The following CAST variants were observed in gnomAD, a reference collection of about 807,000 sequenced individuals.
The protein encoded by CAST is MIR583 host.
A neutral mutation model predicts 119.6 loss-of-function variants in CAST; 76 were observed. The ratio of observed to expected loss-of-function variants is 0.64; its 90% confidence interval spans 0.53 to 0.77. The LOEUF is 0.77. CAST is among the 30% of genes least tolerant of loss of function. CAST has a pLI of 0.00. For synonymous variants in CAST, 319 were observed against 331.6 expected, an observed-to-expected ratio of 0.96 and a Z score of 0.41; for missense variants, 953 against 946.5, an observed-to-expected ratio of 1.01 and a Z score of -0.09.
At chr5:96,131,411 GTTA>G in the CAST span, among the ~76,000 whole-genome samples, 2 of 148,742 alleles carry the variant, frequency 1.3e-5, no homozygotes, top group African/African-American at 2.6e-5. Flanking sequence ...TTAATATCTT[GTTA>G]TTATACACAC....
At chr5:96,095,235 C>A in the CAST span, among the ~76,000 whole-genome samples, 1 of 151,914 alleles carries the variant, frequency 6.6e-6, no homozygotes, top group East Asian at 1.9e-4. Flanking sequence ...TGTTTTTTCT[C>A]CCCCAATTAA....
chr5:96,289,843 GC>G, the CAST span, among the ~76,000 whole-genome samples: 1 of 152,070 alleles, frequency 6.6e-6, no homozygotes, highest in Non-Finnish European at 1.5e-5. Flanking sequence ...TGCCTCAGTA[GC>G]GTTTGTCTTA....
At chr5:96,344,405 T>C in the CAST span, among the ~76,000 whole-genome samples, 4 of 152,148 alleles carry the variant, frequency 2.6e-5, no homozygotes, top group African/African-American at 9.7e-5. Context: ...TAAGTGGTAA[T>C]CTCATTACCT....
chr5:96,485,781 C>G, the CAST span, among the ~76,000 whole-genome samples: 2 of 152,068 alleles, frequency 1.3e-5, no homozygotes, highest in African/African-American at 4.8e-5. Context: ...TTCAGCTTCA[C>G]CCCAGTCAAA....
At chr5:96,678,813 C>T (rs531243042) in intron 2 of CAST, among the ~76,000 whole-genome samples, 1 of 152,196 alleles carries the variant, frequency 6.6e-6, no homozygotes, top group South Asian at 2.1e-4. Flanking sequence ...CGCCACTGCA[C>T]TCCAGCCTGG....
At chr5:96,475,195 C>T in the CAST span, among the ~76,000 whole-genome samples, 1 of 152,184 alleles carries the variant, frequency 6.6e-6, no homozygotes, top group African/African-American at 2.4e-5. Context: ...CCCCTCATCC[C>T]AGTCTGGGGA....
At chr5:96,339,258 G>A in the CAST span, among the ~76,000 whole-genome samples, 1 of 152,014 alleles carries the variant, frequency 6.6e-6, no homozygotes, top group Non-Finnish European at 1.5e-5. Context: ...GATAACATAC[G>A]ACCCCAAGAA....
chr5:96,132,914 T>C, the CAST span, among the ~76,000 whole-genome samples: 937 of 152,222 alleles, frequency 6.2e-3, 9 homozygotes, highest in Non-Finnish European at 9.4e-3. Context: ...TAAGACAAGA[T>C]GCTAAAAGGA....
At chr5:96,679,881 C>T (rs78265520) in intron 2 of CAST, among the ~76,000 whole-genome samples, 1 of 151,890 alleles carries the variant, frequency 6.6e-6, no homozygotes, top group Non-Finnish European at 1.5e-5. Context: ...CAATATTACC[C>T]TGAGTCTTAC....
chr5:96,355,534 G>GT, the CAST span, among the ~76,000 whole-genome samples: 1 of 151,972 alleles, frequency 6.6e-6, no homozygotes, highest in Admixed American at 6.6e-5. Flanking sequence ...AATCCTTTGG[G>GT]TATATACCCA....
the CAST span, among the ~76,000 whole-genome samples, chr5:96,093,103 G>C: frequency 1.3e-5 from 2 of 152,064 alleles, no homozygotes; most frequent in African/African-American, 4.8e-5. Context: ...AATTCTATAG[G>C]CAGTGCTGGG....
chr5:95,996,056 G>C, the CAST span, among the ~76,000 whole-genome samples: 16 of 152,172 alleles, frequency 1.1e-4, no homozygotes, highest in African/African-American at 3.4e-4. Context: ...TCCCAAGGCA[G>C]CATAGAAACT....
chr5:96,109,492 G>T, the CAST span, among the ~76,000 whole-genome samples: 1 of 152,142 alleles, frequency 6.6e-6, no homozygotes, highest in Non-Finnish European at 1.5e-5. Context: ...AAGATAAATT[G>T]TTTGTTGTGG....
At chr5:96,108,909 C>T in the CAST span, among the ~76,000 whole-genome samples, 27 of 152,352 alleles carry the variant, frequency 1.8e-4, no homozygotes, top group East Asian at 1.2e-3. Context: ...AAGCCATGTG[C>T]GGGATATAAT....
the CAST span, among the ~76,000 whole-genome samples, chr5:96,052,966 G>A: frequency 1.3e-5 from 2 of 152,148 alleles, no homozygotes; most frequent in African/African-American, 4.8e-5. Context: ...GCAGCCCTCT[G>A]AAGTGGTATG....
At chr5:96,720,191 G>C (rs1757980120) in intron 3 of CAST, among the ~76,000 whole-genome samples, 1 of 152,130 alleles carries the variant, frequency 6.6e-6, no homozygotes, top group Non-Finnish European at 1.5e-5. Context: ...TAAAATCTTG[G>C]ACATGAGATT....
At chr5:96,340,681 C>G in the CAST span, among the ~76,000 whole-genome samples, 1 of 152,208 alleles carries the variant, frequency 6.6e-6, no homozygotes, top group Non-Finnish European at 1.5e-5. Flanking sequence ...AGTTTATAAC[C>G]TCTTCACACT....
At chr5:96,763,255 C>T in intron 25 of CAST, 1 of 780,686 alleles carries the variant, frequency 1.3e-6, no homozygotes, top group Non-Finnish European at 2.4e-6. Flanking sequence ...GCACAAATGA[C>T]AAAGCCCAGA....
chr5:96,589,652 A>G (rs1746929501), intron 1 of CAST, among the ~76,000 whole-genome samples: 1 of 152,208 alleles, frequency 6.6e-6, no homozygotes, highest in African/African-American at 2.4e-5. Context: ...TTTGAGGAGA[A>G]AGGATATTTT....
Sources: allele counts gnomAD v4.1 joint callset (sites outside exome capture counted in the v4.1 genomes callset), GRCh38; gene constraint gnomAD v4.1.1; transcripts MANE v1.5; gene names NCBI Gene and HGNC (gene_info 2026-07-23, HGNC 2026-07-21).